GLDC: variants seen among roughly 807,000 people sequenced by gnomAD.
The protein encoded by GLDC is glycine decarboxylase.
Under a neutral mutation model 121.3 loss-of-function variants are expected in GLDC, and 104 were observed. That is an observed-to-expected ratio of 0.86 (90% CI 0.73 to 1.01). GLDC has a LOEUF of 1.01. Among genes scored for constraint, GLDC ranks in the 50% least tolerant of loss-of-function variants. The pLI, the probability that GLDC is intolerant of heterozygous loss-of-function variation, is 0.00. For synonymous variants in GLDC, 546 were observed against 480.6 expected (o/e 1.14, Z -1.78); for missense variants, 1,429 against 1,306.6 (o/e 1.09, Z -1.44).
At chr9:6,540,238 A>T in intron 21 of GLDC, 92 bp from the exon 22 acceptor site, 1 of 856,110 alleles carries the variant, frequency 1.2e-6, no homozygotes, top group East Asian at 2.5e-5. Flanking sequence ...TAAGTGCATC[A>T]GCTTTTTATG....
At chr9:6,599,720 C>CAAAAA (rs549444099) in intron 8 of GLDC, among the ~76,000 whole-genome samples, 1 of 120,774 alleles carries the variant, frequency 8.3e-6, no homozygotes, top group African/African-American at 3.3e-5. Context: ...GACTCCATCT[C>CAAAAA]AAAAAAAAAA....
chr9:6,591,670 C>T (rs1818377182), intron 11 of GLDC, among the ~76,000 whole-genome samples: 2 of 152,212 alleles, frequency 1.3e-5, no homozygotes, highest in East Asian at 1.9e-4. Context: ...CTGCAACCGC[C>T]GCCTCCTGGG....
chr9:6,549,937 G>A (rs1482142539), intron 21 of GLDC, among the ~76,000 whole-genome samples: 1 of 152,164 alleles, frequency 6.6e-6, no homozygotes, highest in Non-Finnish European at 1.5e-5. Flanking sequence ...GAAGTCCAGA[G>A]CCTTCCAAGG....
At chr9:6,589,865 G>T (rs559191407) in intron 11 of GLDC, among the ~76,000 whole-genome samples, 1 of 152,128 alleles carries the variant, frequency 6.6e-6, no homozygotes, top group Non-Finnish European at 1.5e-5. Context: ...GGCCATCCTG[G>T]CTCACATGGT....
intron 3 of GLDC, among the ~76,000 whole-genome samples, chr9:6,613,561 G>T (rs1156450171): frequency 2.0e-5 from 3 of 152,136 alleles, no homozygotes; most frequent in African/African-American, 7.2e-5. Flanking sequence ...TCAAAAACAT[G>T]ATTTTAACTG....
intron 24 of GLDC, among the ~76,000 whole-genome samples, chr9:6,533,800 G>C (rs1049408168): frequency 1.3e-5 from 2 of 151,220 alleles, no homozygotes; most frequent in African/African-American, 4.9e-5. Flanking sequence ...AGAGGTTGTG[G>C]TGAGCCGAGA....
At chr9:6,636,261 G>A (rs1017682762) in intron 2 of GLDC, among the ~76,000 whole-genome samples, 6 of 150,446 alleles carry the variant, frequency 4.0e-5, no homozygotes, top group African/African-American at 1.5e-4. Flanking sequence ...CTGAGATCGT[G>A]CCACTGTACT....
intron 18 of GLDC, among the ~76,000 whole-genome samples, chr9:6,555,951 T>G (rs1218942216): frequency 1.3e-5 from 2 of 152,236 alleles, no homozygotes; most frequent in African/African-American, 2.4e-5. Flanking sequence ...TTGGGCCCTT[T>G]GAGCCCCCAT....
intron 2 of GLDC, among the ~76,000 whole-genome samples, chr9:6,636,977 G>A (rs555190858): frequency 3.3e-5 from 5 of 151,846 alleles, no homozygotes; most frequent in African/African-American, 4.8e-5. Context: ...CCAGCTACTC[G>A]GGAGGCTGAG....
intron 15 of GLDC, among the ~76,000 whole-genome samples, chr9:6,573,272 C>A (rs1024737940): frequency 3.3e-5 from 5 of 151,726 alleles, no homozygotes; most frequent in African/African-American, 1.2e-4. Context: ...ATCAGCCTGG[C>A]CAACATGGAG....
At position 6,610,347 on chromosome 9, in the gene GLDC, C is replaced by T. The variant is rs1187664516; in HGVS notation, c.480G>A (p.Gln160=). The change falls in exon 4 of 25, where the codon CAG becomes CAA. Residue 160 remains glutamine, a synonymous_variant. Coordinates refer to ENST00000321612, the MANE Select transcript of GLDC (RefSeq NM_000170.3). ...ACACCTCAGGCTGGTATGGAGTATA[C>T]TGGGTGATCCTGCAAGGGAAACAAA... ...NLLENSGWIT[Q]YTPYQPEVSQ... The T allele has an allele frequency of 6.2e-7, 1 of 1,614,048 alleles. No homozygotes were observed. The highest frequency in any genetic ancestry group is 1.7e-5 in the Admixed American group (1 of 60,014).
rs1183336671 is a variant in GLDC, at chr9:6,605,221, T to A, written c.771A>T (p.Lys257Asn). Residue 257 changes from lysine (K) to asparagine (N), a missense_variant, in exon 6 of 25, where the codon AAA becomes AAT. Coordinates refer to ENST00000321612, the MANE Select transcript of GLDC (RefSeq NM_000170.3). ...ACTGGAACAACACTCCACTGACATC[T>A]TTTCCACTGAAGTCCATTTCACAGG... is the stretch of plus-strand genomic sequence containing the variant. ...KLPCEMDFSG[K>N]DVSGVLFQYP... 6.2e-7 allele frequency: 1 copy of A among 1,613,232 alleles called. No homozygotes were observed.
intron 11 of GLDC, among the ~76,000 whole-genome samples, chr9:6,589,731 A>G (rs923808885): frequency 1.3e-5 from 2 of 152,030 alleles, no homozygotes; most frequent in African/African-American, 4.8e-5. Flanking sequence ...CTGGCCAAAG[A>G]TGTAAATTTA....
chr9:6,640,587 A>G (rs1437869211), intron 2 of GLDC, among the ~76,000 whole-genome samples: 1 of 152,226 alleles, frequency 6.6e-6, no homozygotes, highest in African/African-American at 2.4e-5. Context: ...TCATTCTGAC[A>G]ACTCATCTCC....
intron 15 of GLDC, among the ~76,000 whole-genome samples, chr9:6,585,845 T>C (rs1164408988): frequency 8.9e-6 from 1 of 112,066 alleles, no homozygotes; most frequent in Non-Finnish European, 1.9e-5. Context: ...TGTATGTATG[T>C]ATGTATGTAT....
intron 4 of GLDC, among the ~76,000 whole-genome samples, chr9:6,609,806 C>T (rs1213996862): frequency 1.3e-5 from 2 of 152,130 alleles, no homozygotes; most frequent in East Asian, 1.9e-4. Flanking sequence ...TGCTGGCCCA[C>T]CCTCGCAGCC....
chr9:6,542,761 C>T (rs1221552240), intron 21 of GLDC, among the ~76,000 whole-genome samples: 1 of 151,334 alleles, frequency 6.6e-6, no homozygotes, highest in East Asian at 2.0e-4. Flanking sequence ...TTGTGCCTGC[C>T]TGTAGTACCA....
At chr9:6,536,753 A>G (rs775588811) in intron 22 of GLDC, among the ~76,000 whole-genome samples, 7 of 152,200 alleles carry the variant, frequency 4.6e-5, no homozygotes, top group Non-Finnish European at 1.0e-4. Flanking sequence ...TAAGAGAAAT[A>G]AAAATATTAT....
In GLDC at chr9:6,588,568, C is replaced by G. The variant is rs75713620; in HGVS notation, c.1665+50G>C. Reference sequence around the variant, plus strand: ...GAGCATATTAGGTAGGACCAAGAGACGTGGGATTGGGGTAGCTTGGAAATG... The same window carrying G: ...GAGCATATTAGGTAGGACCAAGAGAGGTGGGATTGGGGTAGCTTGGAAATG... On this transcript the variant is annotated intron_variant, in intron 13 of 24. Transcript: ENST00000321612. 3.2e-3 allele frequency: 4,801 copies of G among 1,483,100 alleles called. 123 individuals are homozygous for G. In the African/African-American group the frequency reaches 0.057, roughly 17 times the overall value. 91.9% of individuals were successfully genotyped at this position (1,483,100 alleles called of 1,614,324 possible). A position where few individuals can be genotyped will look rare whatever the true frequency, so the allele number is the denominator to read the frequency against.
Sources: gnomAD v4.1 joint callset for allele counts (sites outside exome capture counted in the v4.1 genomes callset) on GRCh38, gnomAD v4.1.1 for gene constraint, MANE v1.5 for transcripts, NCBI Gene and HGNC (gene_info 2026-07-23, HGNC 2026-07-21) for gene names.